The following MAML1 variants were observed in gnomAD, a reference collection of about 807,000 sequenced individuals.
MAML1 encodes the protein mastermind-like protein 1.
Under a neutral mutation model 77.1 loss-of-function variants are expected in MAML1, and 14 were observed. The observed-to-expected ratio is 0.18, with a 90% CI of 0.12 to 0.28. The LOEUF is 0.28. MAML1 is among the 10% of genes least tolerant of loss of function. MAML1 has a pLI of 1.00. For synonymous variants in MAML1, 516 were observed against 551.9 expected, an observed-to-expected ratio of 0.93 and a Z score of 0.91; for missense variants, 1,217 against 1,327.8, an observed-to-expected ratio of 0.92 and a Z score of 1.30.
In MAML1 at chr5:179,733,095, C is replaced by T. The variant is rs1031891464; in HGVS notation, c.-18C>T. The T allele has an allele frequency of 7.4e-7, 1 of 1,351,816 alleles. No individual in the cohort carries two copies. Among genetic ancestry groups the T allele is most frequent in the Non-Finnish European group, 9.5e-7 (1 of 1,052,754 alleles). 83.7% of individuals were successfully genotyped at this position (1,351,816 alleles called of 1,614,324 possible). Reference sequence around the variant, plus strand: ...CGAGAGGCCCGGCCCCGGGCCCGGCCCGTGCAGCCCGCGGCCCATGGTGCT... The same window carrying T: ...CGAGAGGCCCGGCCCCGGGCCCGGCTCGTGCAGCCCGCGGCCCATGGTGCT... On this transcript the variant is annotated 5_prime_UTR_variant, in exon 1 of 5. Coordinates refer to ENST00000292599, the MANE Select transcript of MAML1 (RefSeq NM_014757.5).
intron 1 of MAML1, among the ~76,000 whole-genome samples, chr5:179,734,861 G>A (rs1406165305): frequency 2.6e-5 from 4 of 152,094 alleles, no homozygotes; most frequent in African/African-American, 9.7e-5. Flanking sequence ...TGTTAGAGAT[G>A]GGGTCTCACT....
At position 179,769,178 on chromosome 5, in the gene MAML1, G is replaced by C. The variant is rs969543620; in HGVS notation, c.1971+89G>C. Reference sequence around the variant, plus strand: ...ACAGTCACACCTTCTGCTTGTGCGTGTGGATTTGCGCAGACTTGCGTGCCT... The same window carrying C: ...ACAGTCACACCTTCTGCTTGTGCGTCTGGATTTGCGCAGACTTGCGTGCCT... On this transcript the variant is annotated intron_variant, in intron 3 of 4. Coordinates refer to ENST00000292599, the MANE Select transcript of MAML1 (RefSeq NM_014757.5). The surrounding 1 kb of genome is among the most constrained non-coding windows in gnomAD (Gnocchi z 4.2). The C allele has an allele frequency of 5.2e-6, 8 of 1,553,048 alleles. No individual in the cohort carries two copies. Among genetic ancestry groups the C allele is most frequent in the Non-Finnish European group, 7.0e-6 (8 of 1,143,340 alleles).
At chr5:179,733,740 A>G (rs1291100095) in intron 1 of MAML1, among the ~76,000 whole-genome samples, 1 of 152,212 alleles carries the variant, frequency 6.6e-6, no homozygotes, top group Non-Finnish European at 1.5e-5. Flanking sequence ...TTCGAAATAG[A>G]CTAGCATTCG....
Position 179,771,035 on chromosome 5 carries a change from C to T in MAML1, c.1972-112C>T. The T allele has an allele frequency of 1.3e-6, 1 of 743,008 alleles. No individual in the cohort carries two copies. Among genetic ancestry groups the T allele is most frequent in the South Asian group, 1.5e-5 (1 of 65,374 alleles). 46.0% of individuals were successfully genotyped at this position (743,008 alleles called of 1,614,324 possible). Reference sequence around the variant, plus strand: ...AATCAGCACTATTTCCACAGGAGCCCATTTGTGAGTAACAAACTTGGATAA... The same window carrying T: ...AATCAGCACTATTTCCACAGGAGCCTATTTGTGAGTAACAAACTTGGATAA... On this transcript the variant is annotated intron_variant, in intron 3 of 4. Coordinates refer to ENST00000292599, the MANE Select transcript of MAML1 (RefSeq NM_014757.5). The surrounding 1 kb of genome is among the most constrained non-coding windows in gnomAD (Gnocchi z 4.7).
In MAML1 at chr5:179,765,673, C is replaced by T. The variant is rs146285187; in HGVS notation, c.663C>T (p.Val221=). The T allele has an allele frequency of 2.9e-4, 467 of 1,614,154 alleles. 1 individual carries two copies. Among genetic ancestry groups the T allele is most frequent in the Non-Finnish European group, 3.3e-4 (395 of 1,180,032 alleles). Residue 221 remains valine, a synonymous_variant, in exon 2 of 5, where the codon GTC becomes GTT. Coordinates refer to ENST00000292599, the MANE Select transcript of MAML1 (RefSeq NM_014757.5). ...SLNKELKQEP[V]EDLPCMITGT... ...ATAAAGAACTGAAGCAGGAGCCTGTCGAAGACCTGCCTTGCATGATCACTG... is the reference window on the plus strand; with the variant it reads ...ATAAAGAACTGAAGCAGGAGCCTGTTGAAGACCTGCCTTGCATGATCACTG...
chr5:179,760,909 G>A (rs931642283), intron 1 of MAML1, among the ~76,000 whole-genome samples: 2 of 152,024 alleles, frequency 1.3e-5, no homozygotes, highest in Admixed American at 6.6e-5. Flanking sequence ...GGCTAACACA[G>A]TGAAACCCCG....
chr5:179,763,143 C>CT (rs1294813494), intron 1 of MAML1, among the ~76,000 whole-genome samples: 14 of 152,276 alleles, frequency 9.2e-5, no homozygotes, highest in Admixed American at 7.8e-4. Context: ...TAGCCCAGAC[C>CT]TGGCACTGTG....
chr5:179,775,118 A>G lies in MAML1; in HGVS notation c.*241A>G. 2 of 1,306,376 alleles carry G rather than the reference A, an allele frequency of 1.5e-6. No homozygotes were observed. The highest frequency in any genetic ancestry group is 1.9e-6 in the Non-Finnish European group (2 of 1,027,088). 80.9% of individuals were successfully genotyped at this position (1,306,376 alleles called of 1,614,324 possible). On this transcript the variant is annotated 3_prime_UTR_variant, in exon 5 of 5. Coordinates refer to ENST00000292599, the MANE Select transcript of MAML1 (RefSeq NM_014757.5). ...TGGCATCAGTACCTGGTGTTGGGACAGCAGGATAGGGTTCTAAAGGTGGTT... is the reference window on the plus strand; with the variant it reads ...TGGCATCAGTACCTGGTGTTGGGACGGCAGGATAGGGTTCTAAAGGTGGTT...
chr5:179,757,674 C>T (rs1201147551), intron 1 of MAML1, among the ~76,000 whole-genome samples: 2 of 152,198 alleles, frequency 1.3e-5, no homozygotes, highest in African/African-American at 4.8e-5. Flanking sequence ...TAACGTCACA[C>T]ATCCAGTTAG....
At position 179,766,466 on chromosome 5, in the gene MAML1, C is replaced by G. The variant is rs771391370; in HGVS notation, c.1456C>G (p.His486Asp). ...CGGAGGCCCCTACCTCCAGCCCAGC[C>G]ATGTGAACCTGCTGAGTCACCAGCC... ...RPGGPYLQPSHVNLLSHQPPS... is the reference protein window; with the variant it reads ...RPGGPYLQPSDVNLLSHQPPS... Residue 486 changes from histidine to aspartate, a missense_variant, in exon 2 of 5, where the codon CAT (histidine) becomes GAT (aspartate). Coordinates refer to ENST00000292599, the MANE Select transcript of MAML1 (RefSeq NM_014757.5). The surrounding 1 kb of genome is among the most constrained non-coding windows in gnomAD (Gnocchi z 4.0). The G allele has an allele frequency of 6.2e-7, 1 of 1,611,362 alleles. No homozygotes were observed. Among genetic ancestry groups the G allele is most frequent in the Non-Finnish European group, 8.5e-7 (1 of 1,178,858 alleles).
Position 179,765,308 on chromosome 5 carries a change from CT to C in MAML1, c.316-14del, listed in dbSNP as rs758706595. The C allele has an allele frequency of 5.8e-6, 9 of 1,561,994 alleles. No individual in the cohort carries two copies. The South Asian group carries it at 1.1e-4, about 19-fold the overall frequency. On this transcript the variant is annotated splice_polypyrimidine_tract_variant and intron_variant, in intron 1 of 4. Transcript: ENST00000292599. Reference sequence around the variant, plus strand: ...AAATTCATATGTATCTTAAGTCATTCTTTTCAATGTTTTTCAGCATCTTCAT... The same window carrying C: ...AAATTCATATGTATCTTAAGTCATTCTTTCAATGTTTTTCAGCATCTTCAT...
At chr5:179,752,598 C>CCT (rs1779516183) in intron 1 of MAML1, among the ~76,000 whole-genome samples, 1 of 71,820 alleles carries the variant, frequency 1.4e-5, no homozygotes, top group Non-Finnish European at 2.8e-5. Context: ...ATTAGATACT[C>CCT]TTTTTTTTTT....
At chr5:179,739,382 C>T (rs550336731) in intron 1 of MAML1, among the ~76,000 whole-genome samples, 9 of 116,830 alleles carry the variant, frequency 7.7e-5, no homozygotes, top group East Asian at 4.7e-4. Flanking sequence ...CGGAACGGAA[C>T]GGAATAGAAT....
intron 1 of MAML1, among the ~76,000 whole-genome samples, chr5:179,760,670 G>A (rs185874470): frequency 5.7e-4 from 87 of 152,262 alleles, no homozygotes; most frequent in African/African-American, 2.0e-3. Flanking sequence ...TAGAGTAAAA[G>A]GGGGAGAGGA....
Position 179,771,027 on chromosome 5 carries a change from C to T in MAML1, c.1972-120C>T, listed in dbSNP as rs974930464. ...CAAAATGAAATCAGCACTATTTCCACAGGAGCCCATTTGTGAGTAACAAAC... is the reference window on the plus strand; with the variant it reads ...CAAAATGAAATCAGCACTATTTCCATAGGAGCCCATTTGTGAGTAACAAAC... On this transcript the variant is annotated intron_variant, in intron 3 of 4. Transcript: ENST00000292599. The surrounding 1 kb of genome is among the most constrained non-coding windows in gnomAD (Gnocchi z 4.7). 9 of 706,570 alleles carry T rather than the reference C, an allele frequency of 1.3e-5. No individual in the cohort carries two copies. Among genetic ancestry groups the T allele is most frequent in the East Asian group, 2.7e-5 (1 of 37,608 alleles). 43.8% of individuals were successfully genotyped at this position (706,570 alleles called of 1,614,324 possible).
chr5:179,771,887 G>C lies in MAML1; in HGVS notation c.2068+644G>C, dbSNP rs1755997400. ...GAAACCTCTGTTTTTCCTTATTTGG[G>C]ACCTTGCTATAAAGGGTCCCAGAGA... On this transcript the variant is annotated intron_variant, in intron 4 of 4. Coordinates refer to ENST00000292599, the MANE Select transcript of MAML1 (RefSeq NM_014757.5). The surrounding 1 kb of genome is among the most constrained non-coding windows in gnomAD (Gnocchi z 4.7). Among the ~76,000 whole-genome samples, 1 of 152,078 alleles carries C rather than the reference G, an allele frequency of 6.6e-6. No individual in the cohort carries two copies. The highest frequency in any genetic ancestry group is 1.5e-5 in the Non-Finnish European group (1 of 68,028).
chr5:179,745,217 T>G (rs1194267595), intron 1 of MAML1, among the ~76,000 whole-genome samples: 1 of 152,092 alleles, frequency 6.6e-6, no homozygotes, highest in African/African-American at 2.4e-5. Context: ...ATTATAAATT[T>G]TTATAAGTAA....
chr5:179,753,656 T>TA (rs67206463), intron 1 of MAML1, among the ~76,000 whole-genome samples: 20,677 of 93,348 alleles, frequency 0.22, 2,023 homozygotes, highest in African/African-American at 0.39. Context: ...TTATTATTAT[T>TA]TTTTTTTTTT....
At chr5:179,755,374 A>C (rs1346907395) in intron 1 of MAML1, among the ~76,000 whole-genome samples, 1 of 152,202 alleles carries the variant, frequency 6.6e-6, no homozygotes, top group Non-Finnish European at 1.5e-5. Context: ...TAATTTGCTG[A>C]GCATTAGACT....
Sources: allele counts gnomAD v4.1 joint callset (sites outside exome capture counted in the v4.1 genomes callset), GRCh38; gene constraint gnomAD v4.1.1; non-coding constraint Gnocchi (gnomAD v3.1); transcripts MANE v1.5; gene names NCBI Gene and HGNC (gene_info 2026-07-23, HGNC 2026-07-21).